RNF144A: variants seen among roughly 807,000 people sequenced by gnomAD.
The protein encoded by RNF144A is E3 ubiquitin-protein ligase RNF144A.
Under a neutral mutation model 38.7 loss-of-function variants are expected in RNF144A, and 11 were observed. The ratio of observed to expected loss-of-function variants is 0.28; its 90% CI spans 0.18 to 0.47. The LOEUF is 0.47. RNF144A is among the 20% of genes least tolerant of loss of function. RNF144A has a pLI of 0.99. For synonymous variants in RNF144A, 149 were observed against 143.9 expected (o/e 1.04, Z -0.25); for missense variants, 316 against 377.2 (o/e 0.84, Z 1.34).
chr2:6,967,998 G>A (rs546138372), intron 2 of RNF144A, among the ~76,000 whole-genome samples: 6 of 152,284 alleles, frequency 3.9e-5, no homozygotes, highest in Admixed American at 2.6e-4. Flanking sequence ...GGGTCACTGC[G>A]TGTAATGAGT....
intron 2 of RNF144A, among the ~76,000 whole-genome samples, chr2:6,986,497 C>G (rs1668976435): frequency 6.6e-6 from 1 of 152,158 alleles, no homozygotes; most frequent in Non-Finnish European, 1.5e-5. Context: ...TCAAGATCAG[C>G]AAGTACTGAC....
In RNF144A at chr2:6,962,913, C is replaced by T. The variant is rs768122516; in HGVS notation, c.-12+21766C>T. On this transcript the variant is annotated intron_variant, in intron 2 of 8. Transcript: ENST00000320892. The surrounding 1 kb of genome is among the most constrained non-coding windows in gnomAD (Gnocchi z 4.1). ...TGGTGGTCTTTGAACTGTGATTGAT[C>T]GTTGAAGGGAGATGACAAGATCATT... 3.3e-5 allele frequency among the ~76,000 whole-genome samples: 5 copies of T among 152,094 alleles called. No homozygotes were observed. The highest frequency in any genetic ancestry group is 7.3e-5 in the Non-Finnish European group (5 of 68,034).
rs1355604670 is a variant in RNF144A at position 7,014,478 on chromosome 2, T to C, written c.160T>C (p.Leu54=). The change falls in exon 4 of 9, where the codon TTG becomes CTG. Residue 54 remains leucine, a synonymous_variant. Transcript: ENST00000320892. ...GTGCCTGAAACAGTATGTTGAGCTC[T>C]TGATCAAAGAAGGATTAGAAACCGC... ...TLCLKQYVEL[L]IKEGLETAIS... is the part of the protein sequence containing the mutation. 49 of 1,612,954 alleles carry C rather than the reference T, an allele frequency of 3.0e-5. No individual in the cohort carries two copies. Among genetic ancestry groups the C allele is most frequent in the Non-Finnish European group, 4.2e-5 (49 of 1,179,448 alleles).
chr2:6,969,504 A>G (rs1404767533), intron 2 of RNF144A, among the ~76,000 whole-genome samples: 3 of 152,324 alleles, frequency 2.0e-5, no homozygotes, highest in East Asian at 3.9e-4. Flanking sequence ...TGCATCTTCC[A>G]GAAGTGTGAG....
the RNF144A span, among the ~76,000 whole-genome samples, chr2:7,075,322 G>T: frequency 6.7e-6 from 1 of 150,182 alleles, no homozygotes; most frequent in Non-Finnish European, 1.5e-5. Flanking sequence ...GGGCCAGTTT[G>T]AGCTTCCTCC....
chr2:7,018,288 C>T (rs1209548579), intron 5 of RNF144A, among the ~76,000 whole-genome samples: 1 of 152,206 alleles, frequency 6.6e-6, no homozygotes, highest in Non-Finnish European at 1.5e-5. Context: ...TCTCTTCCCG[C>T]GCAGCGTGTT....
Position 7,043,787 on chromosome 2 carries a change from G to A in RNF144A, c.*4027G>A. The stretch of plus-strand genomic sequence containing the variant: ...CACAGTTCCGGAGCCTTCAGTGAGG[G>A]GTAGCTACATGCCCCATGCCTGCCC... On this transcript the variant is annotated 3_prime_UTR_variant, in exon 9 of 9. Transcript: ENST00000320892. 2.0e-6 allele frequency: 2 copies of A among 985,732 alleles called. No homozygotes were observed. Among genetic ancestry groups the A allele is most frequent in the African/African-American group, 3.5e-5 (2 of 57,304 alleles). 61.1% of individuals were successfully genotyped at this position (985,732 alleles called of 1,614,324 possible). A position where few individuals can be genotyped will look rare whatever the true frequency, so the allele number is the denominator to read the frequency against.
chr2:7,010,563 C>A (rs1472952467), intron 3 of RNF144A, among the ~76,000 whole-genome samples: 2 of 152,150 alleles, frequency 1.3e-5, no homozygotes, highest in African/African-American at 4.8e-5. Context: ...TCTGTGGCCA[C>A]TTCTCCTTGG....
chr2:6,981,685 T>C (rs1572329692), intron 2 of RNF144A, among the ~76,000 whole-genome samples: 1 of 152,176 alleles, frequency 6.6e-6, no homozygotes, highest in East Asian at 1.9e-4. Flanking sequence ...TTCCAAACTT[T>C]CCCACATCTT....
chr2:7,054,935 C>T (rs1673672540), intron 6 of RNF144A, among the ~76,000 whole-genome samples: 1 of 152,202 alleles, frequency 6.6e-6, no homozygotes, highest in African/African-American at 2.4e-5. Context: ...TAACCACTGT[C>T]CCTAGCTCCT....
At chr2:6,996,790 C>G (rs975126341) in intron 2 of RNF144A, 126 bp from the exon 3 acceptor site, 22 of 918,222 alleles carry the variant, frequency 2.4e-5, no homozygotes, top group African/African-American at 3.3e-5. Context: ...TCCAGATGCT[C>G]TAGGCTCCAT....
intron 2 of RNF144A, among the ~76,000 whole-genome samples, chr2:6,956,254 G>A (rs1013659111): frequency 2.0e-5 from 3 of 151,666 alleles, no homozygotes; most frequent in Non-Finnish European, 4.4e-5. Context: ...TTCGGGGGGT[G>A]GGGGATAAGG....
intron 1 of RNF144A, among the ~76,000 whole-genome samples, chr2:6,932,632 A>C (rs1665274671): frequency 6.6e-6 from 1 of 152,148 alleles, no homozygotes; most frequent in African/African-American, 2.4e-5. Flanking sequence ...TTTTGTGCCT[A>C]ATTTGGTATC....
chr2:6,993,709 A>G (rs1232772027), intron 2 of RNF144A, among the ~76,000 whole-genome samples: 1 of 152,050 alleles, frequency 6.6e-6, no homozygotes, highest in African/African-American at 2.4e-5. Flanking sequence ...GGAGGTTTTG[A>G]TGTTTGATTC....
chr2:6,925,733 A>T (rs1366223015), intron 1 of RNF144A, among the ~76,000 whole-genome samples: 1 of 152,116 alleles, frequency 6.6e-6, no homozygotes, highest in African/African-American at 2.4e-5. Flanking sequence ...GTCATGTTGG[A>T]TTAGGGCCAA....
intron 7 of RNF144A, among the ~76,000 whole-genome samples, chr2:7,025,433 GGAGGCC>G (rs1671820428): frequency 6.6e-6 from 1 of 152,172 alleles, no homozygotes; most frequent in Non-Finnish European, 1.5e-5. Context: ...CAGCACTTTG[GGAGGCC>G]GAGGTGGTCA....
intron 3 of RNF144A, among the ~76,000 whole-genome samples, chr2:7,008,873 G>A (rs1163039828): frequency 1.3e-5 from 2 of 152,228 alleles, no homozygotes; most frequent in Admixed American, 6.5e-5. Context: ...AAAAGCAGGT[G>A]CTCAGTGCTA....
chr2:6,989,768 GC>G (rs143396119), intron 2 of RNF144A, among the ~76,000 whole-genome samples: 3 of 151,746 alleles, frequency 2.0e-5, no homozygotes, highest in Non-Finnish European at 4.4e-5. Flanking sequence ...TCTCCCAGCC[GC>G]CCCCCTCCAA....
downstream of RNF144A, among the ~76,000 whole-genome samples, chr2:7,072,145 A>G (rs950134117): frequency 3.9e-5 from 6 of 152,242 alleles, no homozygotes; most frequent in African/African-American, 1.4e-4. Flanking sequence ...GCATTGGGCA[A>G]TGAGCAGAGG....
Sources: gnomAD v4.1 joint callset for allele counts (sites outside exome capture counted in the v4.1 genomes callset) on GRCh38, gnomAD v4.1.1 for gene constraint, Gnocchi (gnomAD v3.1) non-coding constraint, MANE v1.5 for transcripts, NCBI Gene and HGNC (gene_info 2026-07-23, HGNC 2026-07-21) for gene names.